The following EBF3 variants were observed in gnomAD, a reference collection of about 807,000 sequenced individuals.
The protein encoded by EBF3 is EBF transcription factor 3.
In EBF3, 18 loss-of-function variants were observed where a neutral mutation model predicts 77.1. The ratio of observed to expected loss-of-function variants is 0.23; its 90% CI spans 0.16 to 0.35. The LOEUF is 0.35. EBF3 is among the 10% of genes least tolerant of loss of function. EBF3 has a pLI of 1.00. For synonymous variants in EBF3, 350 were observed against 343.5 expected (o/e 1.02, Z -0.21); for missense variants, 558 against 860.0 (o/e 0.65, Z 4.39).
chr10:129,949,194 G>A (rs557738250), intron 6 of EBF3, among the ~76,000 whole-genome samples: 3 of 152,328 alleles, frequency 2.0e-5, no homozygotes, highest in African/African-American at 7.2e-5. Context: ...CCAGCTACTC[G>A]GTAGGCTGAG....
In EBF3 at chr10:129,841,278, C is replaced by T. The variant is rs150648503; in HGVS notation, c.1373-246G>A. On this transcript the variant is annotated intron_variant, in intron 13 of 16. Coordinates refer to ENST00000440978, the MANE Select transcript of EBF3 (RefSeq NM_001375380.1). The surrounding 1 kb of genome is among the most constrained non-coding windows in gnomAD (Gnocchi z 4.6). Reference sequence around the variant, plus strand: ...CAGCCGGGGCGCGCTTCGATCTCGCCGTCAGTGGCTTTCACGTTTCTCTTT... The same window carrying T: ...CAGCCGGGGCGCGCTTCGATCTCGCTGTCAGTGGCTTTCACGTTTCTCTTT... 6.6e-5 allele frequency among the ~76,000 whole-genome samples: 10 copies of T among 152,304 alleles called. No individual in the cohort carries two copies. The highest frequency in any genetic ancestry group is 1.3e-4 in the Admixed American group (2 of 15,298).
At chr10:129,849,971 A>AT (rs1171901438) in intron 10 of EBF3, among the ~76,000 whole-genome samples, 2 of 152,262 alleles carry the variant, frequency 1.3e-5, no homozygotes, top group Non-Finnish European at 2.9e-5. Flanking sequence ...CTTGGGGGAC[A>AT]ATTTGTCATG....
At chr10:129,893,365 A>T (rs1239640849) in intron 6 of EBF3, among the ~76,000 whole-genome samples, 1 of 152,232 alleles carries the variant, frequency 6.6e-6, no homozygotes, top group Admixed American at 6.5e-5. Flanking sequence ...AAATGTGCAT[A>T]CATTATCATA....
At chr10:129,854,733 C>T (rs1851127331) in intron 10 of EBF3, among the ~76,000 whole-genome samples, 1 of 152,214 alleles carries the variant, frequency 6.6e-6, no homozygotes, top group Admixed American at 6.5e-5. Context: ...TTGTGTTTTC[C>T]TCTCAAAGTC....
At chr10:129,856,635 C>T (rs1382014149) in intron 10 of EBF3, among the ~76,000 whole-genome samples, 3 of 152,200 alleles carry the variant, frequency 2.0e-5, no homozygotes, top group Non-Finnish European at 4.4e-5. Context: ...TTCTCTACGG[C>T]TGTCACTTCT....
chr10:129,838,882 C>CAGG (rs1296237271), intron 16 of EBF3, among the ~76,000 whole-genome samples: 5 of 152,246 alleles, frequency 3.3e-5, no homozygotes, highest in Non-Finnish European at 7.3e-5. Context: ...TGCGTACACA[C>CAGG]CGCGTAGGAG....
At chr10:129,907,134 G>A (rs1203459308) in intron 6 of EBF3, among the ~76,000 whole-genome samples, 1 of 152,236 alleles carries the variant, frequency 6.6e-6, no homozygotes, top group African/African-American at 2.4e-5. Context: ...GGGGGAAGCG[G>A]CTGACATGTA....
chr10:129,906,215 C>T (rs901273273), intron 6 of EBF3, among the ~76,000 whole-genome samples: 1 of 152,192 alleles, frequency 6.6e-6, no homozygotes, highest in Non-Finnish European at 1.5e-5. Flanking sequence ...GGCATCAGCT[C>T]TGGAAGAATA....
rs1038772028 is a variant in EBF3, at chr10:129,885,142, A to G, written c.555-7293T>C. 1.3e-5 allele frequency among the ~76,000 whole-genome samples: 2 copies of G among 152,222 alleles called. No individual in the cohort carries two copies. Among genetic ancestry groups the G allele is most frequent in the Non-Finnish European group, 2.9e-5 (2 of 68,040 alleles). On this transcript the variant is annotated intron_variant, in intron 6 of 16. Transcript: ENST00000440978. This position sits in a 1 kb window ranked among gnomAD's most constrained non-coding sequence, Gnocchi z 4.0. ...ATCACAATTTCAGCAGCGGCTGTCA[A>G]GAGGCACTTATAGATACCATGATCT...
intron 6 of EBF3, among the ~76,000 whole-genome samples, chr10:129,887,608 T>C (rs908360315): frequency 2.0e-5 from 3 of 152,184 alleles, no homozygotes; most frequent in African/African-American, 7.2e-5. Context: ...GATCCGTGTT[T>C]CTGATTCATC....
At chr10:129,838,018 A>G in intron 16 of EBF3, 58 bp from the exon 17 acceptor site, 1 of 1,601,894 alleles carries the variant, frequency 6.2e-7, no homozygotes, top group Admixed American at 1.7e-5. Flanking sequence ...CCTCCCGCCA[A>G]CGCTGACGCG....
At position 129,864,983 on chromosome 10, in the gene EBF3, AGAG is replaced by A. The variant is rs1851894319; in HGVS notation, c.1039+2155_1039+2157del. ...TTGCCAAAACCTTGCCAGATAGAGC[AGAG>A]GAGAAATTGGGACCACAGGAGTAAG... On this transcript the variant is annotated intron_variant, in intron 10 of 16. Coordinates refer to ENST00000440978, the MANE Select transcript of EBF3 (RefSeq NM_001375380.1). This position sits in a 1 kb window ranked among gnomAD's most constrained non-coding sequence, Gnocchi z 4.4. Among the ~76,000 whole-genome samples the A allele has an allele frequency of 6.6e-6, 1 of 152,224 alleles. No homozygotes were observed. The highest frequency in any genetic ancestry group is 1.5e-5 in the Non-Finnish European group (1 of 68,042).
intron 14 of EBF3, 53 bp from the exon 15 acceptor site, chr10:129,840,495 CGA>C: frequency 6.6e-7 from 1 of 1,525,722 alleles, no homozygotes; most frequent in Non-Finnish European, 8.9e-7. Context: ...AGCGCCACGG[CGA>C]GAGGGCACCA....
At chr10:129,918,005 C>A (rs1340919314) in intron 6 of EBF3, among the ~76,000 whole-genome samples, 1 of 152,206 alleles carries the variant, frequency 6.6e-6, no homozygotes, top group Non-Finnish European at 1.5e-5. Context: ...CTTCCTTCAA[C>A]CCCCATCAGC....
chr10:129,838,287 C>G (rs1269914833), intron 16 of EBF3, among the ~76,000 whole-genome samples: 1 of 152,260 alleles, frequency 6.6e-6, no homozygotes, highest in Non-Finnish European at 1.5e-5. Flanking sequence ...CGGTGCACTG[C>G]CAACAGGTGC....
At chr10:129,884,231 C>A (rs574050938) in intron 6 of EBF3, among the ~76,000 whole-genome samples, 7 of 152,016 alleles carry the variant, frequency 4.6e-5, no homozygotes, top group Non-Finnish European at 8.8e-5. Flanking sequence ...CAATTCTAGC[C>A]GATCGGGTTC....
At chr10:129,845,170 A>G (rs893716897) in intron 11 of EBF3, among the ~76,000 whole-genome samples, 9 of 152,244 alleles carry the variant, frequency 5.9e-5, no homozygotes, top group African/African-American at 1.7e-4. Context: ...TTGTCATATC[A>G]GAGAGACACA....
intron 10 of EBF3, among the ~76,000 whole-genome samples, chr10:129,857,251 A>T (rs1428330907): frequency 6.6e-6 from 1 of 152,212 alleles, no homozygotes; most frequent in Non-Finnish European, 1.5e-5. Context: ...TGAACACAGC[A>T]TGCTGGATTA....
At chr10:129,915,283 C>T (rs987642278) in intron 6 of EBF3, among the ~76,000 whole-genome samples, 2 of 152,124 alleles carry the variant, frequency 1.3e-5, no homozygotes, top group Non-Finnish European at 2.9e-5. Flanking sequence ...GGGCCCAGCC[C>T]GGAGCAGGAC....
Sources: gnomAD v4.1 joint callset for allele counts (sites outside exome capture counted in the v4.1 genomes callset) on GRCh38, gnomAD v4.1.1 for gene constraint, Gnocchi (gnomAD v3.1) non-coding constraint, MANE v1.5 for transcripts, NCBI Gene and HGNC (gene_info 2026-07-23, HGNC 2026-07-21) for gene names.